Variants in TK1 observed in about 807,000 individuals in gnomAD.
TK1 encodes thymidine kinase, cytosolic.
Under a neutral mutation model 22.4 loss-of-function variants are expected in TK1, and 13 were observed. That is an observed-to-expected ratio of 0.58 (90% CI 0.38 to 0.92). The LOEUF is 0.92. TK1 is among the 40% of genes least tolerant of loss of function. TK1 has a pLI of 0.00. For synonymous variants in TK1, 134 were observed against 125.4 expected (o/e 1.07, Z -0.46); for missense variants, 251 against 315.7 (o/e 0.80, Z 1.55).
At chr17:78,181,785 G>T (rs1598968567) in intron 4 of TK1, among the ~76,000 whole-genome samples, 2 of 151,806 alleles carry the variant, frequency 1.3e-5, no homozygotes, top group Admixed American at 1.3e-4. Flanking sequence ...TTGAGACAGG[G>T]TCTGGCCTTG....
intron 4 of TK1, among the ~76,000 whole-genome samples, chr17:78,181,556 C>T (rs1036012397): frequency 3.3e-5 from 5 of 150,052 alleles, no homozygotes; most frequent in African/African-American, 1.2e-4. Flanking sequence ...AAAAAAAACC[C>T]AAACCCACAC....
At chr17:78,186,735 GGGTCCCCGGAGAAGA>G in intron 2 of TK1, 37 bp downstream of exon 2, 2 of 1,531,246 alleles carry the variant, frequency 1.3e-6, no homozygotes, top group Non-Finnish European at 1.8e-6. Flanking sequence ...ACGGGACAAG[GGGTCCCCGGAGAAGA>G]GGAAGGAGCT....
At chr17:78,181,269 C>A (rs1313839244) in intron 4 of TK1, among the ~76,000 whole-genome samples, 1 of 151,960 alleles carries the variant, frequency 6.6e-6, no homozygotes, top group Non-Finnish European at 1.5e-5. Context: ...TTAAAAAGGC[C>A]GGGCACGGCG....
chr17:78,178,912 T>A (rs2075719918), intron 4 of TK1, among the ~76,000 whole-genome samples: 1 of 152,178 alleles, frequency 6.6e-6, no homozygotes, highest in East Asian at 1.9e-4. Flanking sequence ...CAGGGCAGAA[T>A]GCTGATGTCT....
intron 5 of TK1, 124 bp from the exon 6 acceptor site, chr17:78,175,293 A>C: frequency 7.4e-7 from 1 of 1,346,806 alleles, no homozygotes; most frequent in Non-Finnish European, 9.8e-7. Flanking sequence ...CCTTCCCCCA[A>C]CCCCCAGAGC....
intron 3 of TK1, among the ~76,000 whole-genome samples, chr17:78,183,078 AG>A (rs2145828389): frequency 6.6e-6 from 1 of 152,350 alleles, no homozygotes; most frequent in African/African-American, 2.4e-5. Context: ...CATGTTGGCC[AG>A]GCTGGTCTCA....
chr17:78,185,731 C>T (rs959935125), intron 2 of TK1, among the ~76,000 whole-genome samples: 2 of 151,972 alleles, frequency 1.3e-5, no homozygotes, highest in Admixed American at 6.6e-5. Context: ...GGTTTTACCA[C>T]GTTGACCAGG....
intron 2 of TK1, 66 bp downstream of exon 2, chr17:78,186,721 A>AGGGGAG (rs2075804191): frequency 2.4e-6 from 3 of 1,233,368 alleles, no homozygotes; most frequent in African/African-American, 4.4e-5. Flanking sequence ...AGGGGAGGGG[A>AGGGGAG]GGGACGGGAC....
rs960147348 is a variant in TK1 at position 78,174,649 on chromosome 17, G to C, written c.*110C>G. 7.8e-7 allele frequency: 1 copy of C among 1,275,756 alleles called. No individual in the cohort carries two copies. Among genetic ancestry groups the C allele is most frequent in the Non-Finnish European group, 1.1e-6 (1 of 946,130 alleles). 79.0% of individuals were successfully genotyped at this position (1,275,756 alleles called of 1,614,324 possible). ...GAGAGTTCCCAGAAGGCCAAGGTGT[G>C]GTCACCCTCCACGCCTCCCGACTTC... On this transcript the variant is annotated 3_prime_UTR_variant, in exon 7 of 7. Transcript: ENST00000301634.
chr17:78,179,035 C>T (rs890870647), intron 4 of TK1: 9 of 430,344 alleles, frequency 2.1e-5, no homozygotes, highest in East Asian at 1.6e-4. Context: ...GGACTTCATA[C>T]GCTGGCTCCT....
chr17:78,174,622 A>G lies in TK1; in HGVS notation c.*137T>C, dbSNP rs1567829388. The G allele has an allele frequency of 1.0e-6, 1 of 985,704 alleles. No individual in the cohort carries two copies. The allele number at this position is 985,704 out of a possible 1,614,324, so 61.1% of individuals were successfully genotyped here. A position where few individuals can be genotyped will look rare whatever the true frequency, so the allele number is the denominator to read the frequency against. On this transcript the variant is annotated 3_prime_UTR_variant, in exon 7 of 7. Transcript: ENST00000301634. ...TGCGGCAGGTGGGGCAGCCACACAA[A>G]GGAGAGTTCCCAGAAGGCCAAGGTG... is the stretch of plus-strand genomic sequence containing the variant.
rs1041112566 is a variant in TK1 at position 78,175,090 on chromosome 17, C to T, written c.473G>A (p.Arg158Gln). The T allele has an allele frequency of 5.0e-6, 8 of 1,613,350 alleles. No individual in the cohort carries two copies. Among genetic ancestry groups the T allele is most frequent in the African/African-American group, 1.3e-5 (1 of 74,826 alleles). ...GAGCCTCTTGGTATAGGCGGCTTCC[C>T]GGAAGCACTCCATGCACACCGCCGT... ...KLTAVCMECF[R>Q]EAAYTKRLGT... Residue 158 changes from arginine to glutamine, a missense_variant, in exon 6 of 7, where the codon CGG (arginine) becomes CAG (glutamine). Physicochemically the swap from Arg to Gln is conservative, Grantham distance 43 (BLOSUM62 1). Transcript: ENST00000301634.
In TK1 at chr17:78,174,815, C is replaced by A; in HGVS notation, c.649G>T (p.Ala217Ser). ...TGTGGGGCAAAGAGCTTCCTGGCAGCCACGGCTTCCCCTGGCTTTCCTGGC... is the reference window on the plus strand; with the variant it reads ...TGTGGGGCAAAGAGCTTCCTGGCAGACACGGCTTCCCCTGGCTTTCCTGGC... Reference protein sequence around the residue: ...PVPGKPGEAVAARKLFAPQQI... With the variant: ...PVPGKPGEAVSARKLFAPQQI... Residue 217 changes from alanine to serine, a missense_variant, in exon 7 of 7, where the codon GCT (alanine) becomes TCT (serine). By Grantham distance (99) the Ala-to-Ser change is moderately conservative (BLOSUM62 1). Coordinates refer to ENST00000301634, the MANE Select transcript of TK1 (RefSeq NM_003258.5). The A allele has an allele frequency of 6.2e-7, 1 of 1,613,118 alleles. No individual in the cohort carries two copies.
At chr17:78,175,402 C>A (rs979846017) in intron 5 of TK1, 127 bp downstream of exon 5, 3 of 1,101,928 alleles carry the variant, frequency 2.7e-6, no homozygotes, top group Admixed American at 5.4e-5. Context: ...TCAGCCAAGG[C>A]CTGAGCAGCT....
chr17:78,185,237 G>A, intron 2 of TK1, 72 bp from the exon 3 acceptor site: 1 of 1,192,534 alleles, frequency 8.4e-7, no homozygotes. Flanking sequence ...TCCCCAACAA[G>A]CCTGGCTCCT....
chr17:78,181,537 CA>C (rs34860308), intron 4 of TK1, among the ~76,000 whole-genome samples: 48,119 of 122,598 alleles, frequency 0.39, 8,035 homozygotes, highest in South Asian at 0.49. Context: ...GACTCCGTCT[CA>C]AAAAAAAAAA....
At chr17:78,179,301 C>G in intron 4 of TK1, 2 of 985,464 alleles carry the variant, frequency 2.0e-6, no homozygotes, top group Non-Finnish European at 2.4e-6. Flanking sequence ...AAGAGAACAG[C>G]TGCAGCCCTA....
At chr17:78,178,190 AT>A (rs1310992261) in intron 4 of TK1, among the ~76,000 whole-genome samples, 3 of 152,144 alleles carry the variant, frequency 2.0e-5, no homozygotes, top group South Asian at 2.1e-4. Context: ...GTTTAAAAAA[AT>A]AAATCAGAGC....
At chr17:78,182,371 CAAAAAAA>C (rs560357822) in intron 4 of TK1, among the ~76,000 whole-genome samples, 1 of 82,244 alleles carries the variant, frequency 1.2e-5, no homozygotes, top group East Asian at 4.8e-4. Context: ...AACTCCGTCT[CAAAAAAA>C]AAAAAAAAAA....
Sources: gnomAD v4.1 joint callset for allele counts (sites outside exome capture counted in the v4.1 genomes callset) on GRCh38, gnomAD v4.1.1 for gene constraint, MANE v1.5 for transcripts, NCBI Gene and HGNC (gene_info 2026-07-23, HGNC 2026-07-21) for gene names.